Variants in RAB9A observed in about 807,000 individuals in gnomAD.
The protein encoded by RAB9A is RAB9A, member RAS oncogene family, also known as ras-related protein Rab-9A.
A neutral mutation model predicts 10.3 loss-of-function variants in RAB9A; 1 was observed. That is an observed-to-expected ratio of 0.10 (90% CI 0.03 to 0.46). RAB9A has a LOEUF of 0.46. Ranked by LOEUF, RAB9A falls within the 20% of genes least tolerant of loss-of-function variation. The probability of loss-of-function intolerance (pLI) is 0.96; values close to 1 mark genes in which losing one functional copy is unlikely to be tolerated. For synonymous variants in RAB9A, 39 were observed against 55.2 expected, an observed-to-expected ratio of 0.71 and a Z score of 1.30; for missense variants, 92 against 150.3, an observed-to-expected ratio of 0.61 and a Z score of 2.03.
At chrX:13,699,045 ATG>A (rs1229581724) in intron 1 of RAB9A, among the ~76,000 whole-genome samples, 2 of 111,283 alleles carry the variant, frequency 1.8e-5, no homozygotes, top group Non-Finnish European at 3.8e-5. Flanking sequence ...GTTACAGAGT[ATG>A]TGTTTTAAAA....
intron 1 of RAB9A, among the ~76,000 whole-genome samples, chrX:13,694,483 G>A (rs2046139101): frequency 8.9e-6 from 1 of 111,974 alleles, no homozygotes; most frequent in Admixed American, 9.4e-5. Context: ...TTTAATTTGT[G>A]CCCAGTACTT....
At chrX:13,698,190 C>CTTT (rs67802719) in intron 1 of RAB9A, among the ~76,000 whole-genome samples, 3 of 38,350 alleles carry the variant, frequency 7.8e-5, no homozygotes, top group Admixed American at 4.5e-4. Context: ...TCTTTTTTTT[C>CTTT]TTTTTTTTTT....
rs1302552310 is a variant in RAB9A at position 13,703,676 on chromosome X, C to T, written c.-115-138C>T. On this transcript the variant is annotated intron_variant, in intron 1 of 2. Coordinates refer to ENST00000464506, the MANE Select transcript of RAB9A (RefSeq NM_004251.5). Reference sequence around the variant, plus strand: ...GATCTGTAGGACTAGGATCCTTCAGCTTCCTAATGTAGGCCTGTATCATCC... The same window carrying T: ...GATCTGTAGGACTAGGATCCTTCAGTTTCCTAATGTAGGCCTGTATCATCC... The T allele has an allele frequency of 2.1e-4, 23 of 111,791 alleles. No homozygotes were observed. The Admixed American group carries it at 2.2e-3, about 11-fold the overall frequency. 9.2% of individuals were successfully genotyped at this position (111,791 alleles called of 1,213,427 possible). A position where few individuals can be genotyped will look rare whatever the true frequency, so the allele number is the denominator to read the frequency against.
At chrX:13,695,336 C>T (rs780900416) in intron 1 of RAB9A, among the ~76,000 whole-genome samples, 30 of 112,059 alleles carry the variant, frequency 2.7e-4, no homozygotes, top group Non-Finnish European at 4.3e-4. Context: ...TTTTCTGTCA[C>T]TGGGTGGGAG....
intron 2 of RAB9A, among the ~76,000 whole-genome samples, chrX:13,706,476 A>C (rs914255844): frequency 9.1e-6 from 1 of 110,289 alleles, no homozygotes; most frequent in Non-Finnish European, 1.9e-5. Context: ...ACGGCAACCT[A>C]CGCCTCCCAG....
At chrX:13,695,111 C>T (rs1051678005) in intron 1 of RAB9A, among the ~76,000 whole-genome samples, 14 of 112,200 alleles carry the variant, frequency 1.2e-4, no homozygotes, top group Non-Finnish European at 5.6e-5. Flanking sequence ...GGAGAAGTCT[C>T]GAGAAGTGCC....
intron 1 of RAB9A, among the ~76,000 whole-genome samples, chrX:13,691,659 C>CAA (rs765886332): frequency 0.019 from 298 of 15,885 alleles, 62 homozygotes; most frequent in East Asian, 0.048. Context: ...GACTCCATCT[C>CAA]AAAAAAAAAA....
In RAB9A at chrX:13,689,143, C is replaced by G. The variant is rs1336484165; in HGVS notation, c.-261C>G. On this transcript the variant is annotated 5_prime_UTR_variant, in exon 1 of 3. Transcript: ENST00000464506. Reference sequence around the variant, plus strand: ...GCCCGTCGCCATGTTGTTCCCTCCGCGCTGGACGGGAGCAGCTGGAGCGGG... The same window carrying G: ...GCCCGTCGCCATGTTGTTCCCTCCGGGCTGGACGGGAGCAGCTGGAGCGGG... The G allele has an allele frequency of 8.7e-6, 1 of 114,312 alleles. No homozygotes were observed. Among genetic ancestry groups the G allele is most frequent in the Non-Finnish European group, 1.9e-5 (1 of 53,532 alleles). The allele number at this position is 114,312 out of a possible 1,213,427, so 9.4% of individuals were successfully genotyped here. A position where few individuals can be genotyped will look rare whatever the true frequency, so the allele number is the denominator to read the frequency against.
intron 1 of RAB9A, among the ~76,000 whole-genome samples, chrX:13,696,509 A>G (rs930640716): frequency 2.7e-5 from 3 of 112,251 alleles, no homozygotes; most frequent in Non-Finnish European, 5.6e-5. Flanking sequence ...AGAATTCACT[A>G]TATACTAGCT....
At chrX:13,696,457 G>T (rs2046148460) in intron 1 of RAB9A, among the ~76,000 whole-genome samples, 1 of 110,994 alleles carries the variant, frequency 9.0e-6, no homozygotes. Flanking sequence ...ACCCTTCCAA[G>T]ATTTTAGTTC....
chrX:13,702,938 A>C (rs1602698586), intron 1 of RAB9A, among the ~76,000 whole-genome samples: 1 of 112,106 alleles, frequency 8.9e-6, no homozygotes, highest in South Asian at 3.7e-4. Context: ...CGTTCTACCA[A>C]ATGGTAAGCT....
At chrX:13,697,076 C>T (rs1288785174) in intron 1 of RAB9A, among the ~76,000 whole-genome samples, 1 of 111,368 alleles carries the variant, frequency 9.0e-6, no homozygotes, top group Non-Finnish European at 1.9e-5. Context: ...TAATTAACTT[C>T]TCTAACAGTC....
chrX:13,705,562 A>G (rs779683832), intron 2 of RAB9A, among the ~76,000 whole-genome samples: 5 of 111,978 alleles, frequency 4.5e-5, no homozygotes, highest in Non-Finnish European at 3.8e-5. Flanking sequence ...TATGCAACCA[A>G]TAGTCTGGGT....
chrX:13,706,257 T>A, intron 2 of RAB9A, among the ~76,000 whole-genome samples: 1 of 112,328 alleles, frequency 8.9e-6, no homozygotes. Flanking sequence ...TCTTTAACAT[T>A]AATAGTCTGG....
intron 2 of RAB9A, among the ~76,000 whole-genome samples, chrX:13,707,478 A>G (rs2046202984): frequency 9.0e-6 from 1 of 111,661 alleles, no homozygotes; most frequent in South Asian, 3.8e-4. Context: ...CATTTTTCAC[A>G]ATAAAAATGT....
At chrX:13,690,645 A>G (rs1366369828) in intron 1 of RAB9A, among the ~76,000 whole-genome samples, 1 of 111,832 alleles carries the variant, frequency 8.9e-6, no homozygotes, top group Non-Finnish European at 1.9e-5. Flanking sequence ...TCTGGACTAC[A>G]GTACTCTGGA....
intron 2 of RAB9A, among the ~76,000 whole-genome samples, chrX:13,708,340 A>AAACAAC (rs751516612): frequency 9.2e-6 from 1 of 108,500 alleles, no homozygotes; most frequent in Non-Finnish European, 1.9e-5. Flanking sequence ...AACAAAACCA[A>AAACAAC]AACAACAACA....
Position 13,709,580 on chromosome X carries a change from GTTTC to G in RAB9A, c.*232_*235del. ...TAAATTGTAACAGTTGTCTAATAAC[GTTTC>G]TTTAATTTAAATATGTAAGTTGCAG... On this transcript the variant is annotated 3_prime_UTR_variant, in exon 3 of 3. Transcript: ENST00000464506. The G allele has an allele frequency of 3.8e-6, 1 of 261,108 alleles. No homozygotes were observed. Among genetic ancestry groups the G allele is most frequent in the Non-Finnish European group, 7.0e-6 (1 of 142,771 alleles). The allele number at this position is 261,108 out of a possible 1,213,427, so 21.5% of individuals were successfully genotyped here.
chrX:13,701,493 A>C (rs750062169), intron 1 of RAB9A, among the ~76,000 whole-genome samples: 2 of 111,417 alleles, frequency 1.8e-5, no homozygotes, highest in African/African-American at 3.3e-5. Flanking sequence ...TTTTTGGTGC[A>C]ATCTAAAACA....
Sources: gnomAD v4.1 joint callset for allele counts (sites outside exome capture counted in the v4.1 genomes callset) on GRCh38, gnomAD v4.1.1 for gene constraint, MANE v1.5 for transcripts, NCBI Gene and HGNC (gene_info 2026-07-23, HGNC 2026-07-21) for gene names.